SGCD: variants seen among roughly 807,000 people sequenced by gnomAD.
SGCD encodes the protein delta-sarcoglycan.
Under a neutral mutation model 36.6 loss-of-function variants are expected in SGCD, and 18 were observed. The ratio of observed to expected loss-of-function variants is 0.49; its 90% CI spans 0.34 to 0.73. SGCD has a LOEUF of 0.73. SGCD is among the 30% of genes least tolerant of loss of function. The pLI is 0.01. For missense variants in SGCD, 387 were observed against 346.7 expected, an observed-to-expected ratio of 1.12 and a Z score of -0.92; for synonymous variants, 133 against 130.6, an observed-to-expected ratio of 1.02 and a Z score of -0.12.
chr5:156,479,352 T>C (rs1755329140), intron 3 of SGCD, among the ~76,000 whole-genome samples: 2 of 152,138 alleles, frequency 1.3e-5, no homozygotes, highest in African/African-American at 2.4e-5. Context: ...CGCCTCGGCC[T>C]CCCAAAGTGC....
intron 1 of SGCD, among the ~76,000 whole-genome samples, chr5:155,912,740 T>C (rs1756654980): frequency 6.6e-6 from 1 of 152,128 alleles, no homozygotes; most frequent in Non-Finnish European, 1.5e-5. Context: ...TGGCTTTTCT[T>C]CCCCTCTTCC....
In SGCD at chr5:156,578,911, G is replaced by T. The variant is rs183112881; in HGVS notation, c.295-10320G>T. On this transcript the variant is annotated intron_variant, in intron 4 of 8. Coordinates refer to ENST00000337851, the MANE Select transcript of SGCD (RefSeq NM_000337.6). ...TTTGAAGGGTTTTTTGTGTCTCTAT[G>T]TCCTTCAGTTCTGCTCTGATCTTAG... Among the ~76,000 whole-genome samples the T allele has an allele frequency of 2.3e-3, 355 of 152,080 alleles. 1 individual carries two copies. The highest frequency in any genetic ancestry group is 0.01 in the Middle Eastern group (3 of 294).
In SGCD at chr5:156,432,535, G is replaced by A. The variant is rs187403487; in HGVS notation, c.193-76066G>A. Among the ~76,000 whole-genome samples, 134 of 152,262 alleles carry A rather than the reference G, an allele frequency of 8.8e-4. 1 individual carries two copies. The highest frequency in any genetic ancestry group is 3.2e-3 in the African/African-American group (131 of 41,528). On this transcript the variant is annotated intron_variant, in intron 3 of 8. Transcript: ENST00000337851. ...GCCATAAAGCTCCCCAAGAGTTTATGTCCTTTGTGTTAAGCTACCAGGGCA... is the reference window on the plus strand; with the variant it reads ...GCCATAAAGCTCCCCAAGAGTTTATATCCTTTGTGTTAAGCTACCAGGGCA...
intron 3 of SGCD, among the ~76,000 whole-genome samples, chr5:156,392,807 T>G (rs1771647877): frequency 6.6e-6 from 1 of 152,070 alleles, no homozygotes; most frequent in African/African-American, 2.4e-5. Flanking sequence ...CAGCCAAACT[T>G]TGGGTCATTC....
the SGCD span, among the ~76,000 whole-genome samples, chr5:155,822,126 GAGGA>G: frequency 6.6e-6 from 1 of 152,216 alleles, no homozygotes. Context: ...ACAATCCAGT[GAGGA>G]GAGAGGCATA....
intron 7 of SGCD, among the ~76,000 whole-genome samples, chr5:156,722,416 T>C (rs762661572): frequency 2.0e-5 from 3 of 152,194 alleles, no homozygotes; most frequent in Non-Finnish European, 2.9e-5. Context: ...TTAATGATTT[T>C]TATATTGTCA....
At chr5:156,235,286 G>A (rs890984803) in intron 3 of SGCD, among the ~76,000 whole-genome samples, 2 of 152,158 alleles carry the variant, frequency 1.3e-5, no homozygotes, top group East Asian at 3.9e-4. Flanking sequence ...GTTTTGTTCT[G>A]AGGCAGAAAA....
chr5:156,574,364 T>C (rs1167194439), intron 4 of SGCD, among the ~76,000 whole-genome samples: 1 of 152,176 alleles, frequency 6.6e-6, no homozygotes, highest in Non-Finnish European at 1.5e-5. Flanking sequence ...GGTACAAACA[T>C]GATGCTAAAT....
At chr5:156,299,445 A>G (rs1466103380) in intron 3 of SGCD, among the ~76,000 whole-genome samples, 1 of 151,164 alleles carries the variant, frequency 6.6e-6, no homozygotes, top group Non-Finnish European at 1.5e-5. Context: ...AAATTTTAAG[A>G]TTTTTTTTTC....
At chr5:155,819,103 TGG>T in the SGCD span, among the ~76,000 whole-genome samples, 1 of 152,218 alleles carries the variant, frequency 6.6e-6, no homozygotes, top group Non-Finnish European at 1.5e-5. Context: ...TCTGCCTCTC[TGG>T]GACTCAGCTT....
chr5:156,523,688 T>A (rs1282649058), intron 4 of SGCD, among the ~76,000 whole-genome samples: 1 of 152,110 alleles, frequency 6.6e-6, no homozygotes, highest in Non-Finnish European at 1.5e-5. Flanking sequence ...GTAGAGTGTT[T>A]CGATATTCTT....
At chr5:155,852,707 T>A in the SGCD span, among the ~76,000 whole-genome samples, 1 of 152,148 alleles carries the variant, frequency 6.6e-6, no homozygotes, top group Non-Finnish European at 1.5e-5. Context: ...GAAAGAAATG[T>A]AGAAAAAAGT....
At chr5:155,884,171 T>C (rs1755952687) in intron 1 of SGCD, among the ~76,000 whole-genome samples, 1 of 152,188 alleles carries the variant, frequency 6.6e-6, no homozygotes, top group Non-Finnish European at 1.5e-5. Flanking sequence ...TGATGAATCC[T>C]TTACCGAGGT....
intron 3 of SGCD, among the ~76,000 whole-genome samples, chr5:156,239,626 C>T (rs999579446): frequency 6.6e-6 from 1 of 151,896 alleles, no homozygotes; most frequent in African/African-American, 2.4e-5. Flanking sequence ...TGTTAGAAAA[C>T]ACTTAGGGAA....
intron 1 of SGCD, among the ~76,000 whole-genome samples, chr5:155,979,876 A>G (rs4704906): frequency 0.045 from 6,903 of 152,212 alleles, 548 homozygotes; most frequent in African/African-American, 0.16. Flanking sequence ...TTCTGAACTT[A>G]ATGCATATGT....
intron 3 of SGCD, among the ~76,000 whole-genome samples, chr5:156,405,326 G>A (rs920969450): frequency 6.6e-6 from 1 of 152,146 alleles, no homozygotes; most frequent in Non-Finnish European, 1.5e-5. Context: ...CTTCTACATA[G>A]CAATAGAAAA....
At chr5:156,604,369 A>G (rs984892889) in intron 6 of SGCD, among the ~76,000 whole-genome samples, 2 of 151,934 alleles carry the variant, frequency 1.3e-5, no homozygotes, top group African/African-American at 4.8e-5. Flanking sequence ...TAATTAAAGA[A>G]TTTTATCCAT....
chr5:155,773,044 C>T, the SGCD span, among the ~76,000 whole-genome samples: 2 of 152,170 alleles, frequency 1.3e-5, no homozygotes, highest in Non-Finnish European at 2.9e-5. Context: ...CTGCTGTCTC[C>T]CATTTGGGGA....
At chr5:156,299,003 A>G (rs1034558745) in intron 3 of SGCD, among the ~76,000 whole-genome samples, 1 of 152,168 alleles carries the variant, frequency 6.6e-6, no homozygotes, top group Non-Finnish European at 1.5e-5. Flanking sequence ...ATTACTTAAG[A>G]AATCTTTGCC....
Sources: allele counts gnomAD v4.1 joint callset (sites outside exome capture counted in the v4.1 genomes callset), GRCh38; gene constraint gnomAD v4.1.1; transcripts MANE v1.5; gene names NCBI Gene and HGNC (gene_info 2026-07-23, HGNC 2026-07-21).